RMDN2: variants seen among roughly 807,000 people sequenced by gnomAD.
RMDN2 encodes regulator of microtubule dynamics protein 2.
RMDN2 carries 61 observed loss-of-function variants against 52.8 expected under a neutral mutation model. The observed-to-expected ratio is 1.16, with a 90% CI of 0.94 to 1.43. The LOEUF (loss-of-function observed/expected upper bound fraction) is 1.43, where lower values mean the gene tolerates loss of function less well. Among genes scored for constraint, RMDN2 ranks in the 40% most tolerant of loss-of-function variants. The pLI is 0.00. For synonymous variants in RMDN2, 180 were observed against 153.1 expected, an observed-to-expected ratio of 1.18 and a Z score of -1.30; for missense variants, 592 against 475.3, an observed-to-expected ratio of 1.25 and a Z score of -2.28.
intron 10 of RMDN2, among the ~76,000 whole-genome samples, chr2:38,064,383 G>C (rs1029695569): frequency 6.6e-6 from 1 of 151,896 alleles, no homozygotes; most frequent in Non-Finnish European, 1.5e-5. Context: ...CCAGCTACTC[G>C]GGGGGCTGAG....
chr2:37,921,976 C>T (rs910251623), upstream of RMDN2, among the ~76,000 whole-genome samples: 3 of 152,286 alleles, frequency 2.0e-5, no homozygotes, highest in Admixed American at 6.5e-5. Context: ...ACAAATGATT[C>T]GGGGAACTCA....
chr2:37,981,827 C>CA lies in RMDN2; in HGVS notation c.791+494dup, dbSNP rs573016623. 9.6e-3 allele frequency among the ~76,000 whole-genome samples: 1,421 copies of CA among 147,426 alleles called. 27 individuals are homozygous for CA. Among genetic ancestry groups the CA allele is most frequent in the African/African-American group, 0.032 (1,276 of 40,428 alleles). On this transcript the variant is annotated intron_variant, in intron 5 of 10. Transcript: ENST00000354545. ...TTGGTATAGGTAAATATCCTTAGAG[C>CA]AAAAAAAAAATCATTCTTAATTGTG...
chr2:38,047,636 A>G (rs981801352), intron 10 of RMDN2, among the ~76,000 whole-genome samples: 1 of 152,190 alleles, frequency 6.6e-6, no homozygotes, highest in African/African-American at 2.4e-5. Context: ...TCCAGAGTAT[A>G]AGTTTGCACT....
intron 2 of RMDN2, among the ~76,000 whole-genome samples, chr2:37,959,805 C>T (rs1183436344): frequency 6.6e-6 from 1 of 150,918 alleles, no homozygotes; most frequent in Admixed American, 6.6e-5. Context: ...AAATTTCCCT[C>T]TAATCACTGC....
intron 2 of RMDN2, among the ~76,000 whole-genome samples, chr2:37,966,416 TAA>T (rs749707294): frequency 8.6e-5 from 12 of 139,934 alleles, no homozygotes; most frequent in Non-Finnish European, 7.8e-5. Context: ...GGCTCTGTCT[TAA>T]AAAAAAAAAA....
Position 37,975,655 on chromosome 2 carries a change from ATG to A in RMDN2, c.730+342_730+343del, listed in dbSNP as rs1672372776. ...AAACCACCGTGGCACGTGTATACCTATGACCTGCATGTTTTGCACATGTATGC... is the reference window on the plus strand; with the variant it reads ...AAACCACCGTGGCACGTGTATACCTAACCTGCATGTTTTGCACATGTATGC... On this transcript the variant is annotated intron_variant, in intron 4 of 10. Coordinates refer to ENST00000354545, the MANE Select transcript of RMDN2 (RefSeq NM_001170791.3). Among the ~76,000 whole-genome samples, 3 of 152,238 alleles carry A rather than the reference ATG, an allele frequency of 2.0e-5. No individual in the cohort carries two copies. In the South Asian group the frequency reaches 6.2e-4, roughly 32 times the overall value.
chr2:37,941,545 G>A (rs1572717977), intron 2 of RMDN2, among the ~76,000 whole-genome samples: 3 of 152,226 alleles, frequency 2.0e-5, no homozygotes, highest in Non-Finnish European at 2.9e-5. Flanking sequence ...AGTTTTATGT[G>A]TAAGCACCAG....
At chr2:38,013,477 G>C (rs930755126) in intron 10 of RMDN2, among the ~76,000 whole-genome samples, 2 of 152,168 alleles carry the variant, frequency 1.3e-5, no homozygotes, top group Non-Finnish European at 2.9e-5. Context: ...TAAAAGTTAA[G>C]AGCACGTTAT....
At chr2:38,066,345 C>A (rs1341573483) in intron 10 of RMDN2, among the ~76,000 whole-genome samples, 1 of 152,202 alleles carries the variant, frequency 6.6e-6, no homozygotes, top group Non-Finnish European at 1.5e-5. Flanking sequence ...TGAGCTGTTA[C>A]CCATAGCGTG....
intron 5 of RMDN2, among the ~76,000 whole-genome samples, chr2:37,988,544 C>G (rs1193766387): frequency 6.6e-6 from 1 of 152,088 alleles, no homozygotes; most frequent in Admixed American, 6.5e-5. Context: ...TCGTTTGTGT[C>G]TAGGAATGGT....
At chr2:38,038,723 G>A (rs1045338817) in intron 10 of RMDN2, among the ~76,000 whole-genome samples, 3 of 152,190 alleles carry the variant, frequency 2.0e-5, no homozygotes, top group Admixed American at 1.3e-4. Flanking sequence ...AAGGTGGGTT[G>A]ATTACACTGG....
rs1666551208 is a variant in RMDN2, at chr2:37,929,534, T to C, written c.257T>C (p.Met86Thr). The C allele has an allele frequency of 2.6e-6, 4 of 1,551,762 alleles. No homozygotes were observed. The highest frequency in any genetic ancestry group is 3.5e-6 in the Non-Finnish European group (4 of 1,146,964). ...AAGTTAAACGAATTACTGACAAATA[T>C]GGAAGAACTCAAAGAGGAAATCAGA... ...LEKLNELLTN[M>T]EELKEEIRFL... Residue 86 changes from methionine (M) to threonine (T), a missense_variant, in exon 2 of 11, where the codon ATG (methionine) becomes ACG (threonine). By Grantham distance (81) the Met-to-Thr change is moderately conservative. Coordinates refer to ENST00000354545, the MANE Select transcript of RMDN2 (RefSeq NM_001170791.3).
chr2:38,045,452 T>G (rs1001503148), intron 10 of RMDN2, among the ~76,000 whole-genome samples: 1 of 152,182 alleles, frequency 6.6e-6, no homozygotes, highest in African/African-American at 2.4e-5. Flanking sequence ...ATCTTGATGT[T>G]TGCATCTCAT....
chr2:38,008,089 G>C (rs1051291671), intron 10 of RMDN2, among the ~76,000 whole-genome samples: 2 of 152,110 alleles, frequency 1.3e-5, no homozygotes, highest in Admixed American at 6.6e-5. Flanking sequence ...TATAATTTCT[G>C]TTCTTTTACA....
intron 5 of RMDN2, among the ~76,000 whole-genome samples, chr2:37,984,299 G>A (rs965910282): frequency 5.1e-4 from 78 of 152,276 alleles, no homozygotes; most frequent in African/African-American, 1.9e-3. Flanking sequence ...AGTGACCAAT[G>A]GATTTGCAGT....
intron 10 of RMDN2, among the ~76,000 whole-genome samples, chr2:38,023,727 T>A (rs563306544): frequency 3.9e-5 from 6 of 152,234 alleles, no homozygotes; most frequent in Admixed American, 3.9e-4. Context: ...CCCCTCAACC[T>A]ATGTTTTGCT....
chr2:37,928,983 A>G, intron 1 of RMDN2: 1 of 213,200 alleles, frequency 4.7e-6, no homozygotes, highest in Non-Finnish European at 9.3e-6. Context: ...TTGTCTTGAT[A>G]TGTATTGCCT....
At chr2:37,996,583 A>G (rs1675569998) in intron 7 of RMDN2, among the ~76,000 whole-genome samples, 1 of 132,486 alleles carries the variant, frequency 7.5e-6, no homozygotes, top group African/African-American at 3.0e-5. Context: ...AAGGTGAGAC[A>G]TTGCCAAAAA....
chr2:38,063,177 C>T (rs146507267), intron 10 of RMDN2, among the ~76,000 whole-genome samples: 3,503 of 152,212 alleles, frequency 0.023, 133 homozygotes, highest in African/African-American at 0.08. Context: ...GTTCTAGATC[C>T]CTCAGGAATC....
Sources: gnomAD v4.1 joint callset for allele counts (sites outside exome capture counted in the v4.1 genomes callset) on GRCh38, gnomAD v4.1.1 for gene constraint, MANE v1.5 for transcripts, NCBI Gene and HGNC (gene_info 2026-07-23, HGNC 2026-07-21) for gene names.